The following DLGAP1 variants were observed in gnomAD, a reference collection of about 807,000 sequenced individuals.
DLGAP1 encodes the protein DLG associated protein 1.
In DLGAP1, 11 loss-of-function variants were observed where a neutral mutation model predicts 90.8. The observed-to-expected ratio is 0.12, with a 90% confidence interval of 0.08 to 0.20. The LOEUF (loss-of-function observed/expected upper bound fraction) is 0.20, where lower values mean the gene tolerates loss of function less well. Among genes scored for constraint, DLGAP1 ranks in the 10% least tolerant of loss-of-function variants. The probability of loss-of-function intolerance (pLI) is 1.00; values close to 1 mark genes in which losing one functional copy is unlikely to be tolerated. For synonymous variants in DLGAP1, 558 were observed against 540.7 expected, an observed-to-expected ratio of 1.03 and a Z score of -0.44; for missense variants, 1,050 against 1,333.8, an observed-to-expected ratio of 0.79 and a Z score of 3.31.
chr18:3,872,120 CA>C (rs1006244845), intron 4 of DLGAP1, among the ~76,000 whole-genome samples: 1 of 142,682 alleles, frequency 7.0e-6, no homozygotes, highest in African/African-American at 2.6e-5. Context: ...TAGACTTTAG[CA>C]AATGAAACAA....
At chr18:4,287,284 C>T (rs573938489) in intron 1 of DLGAP1, among the ~76,000 whole-genome samples, 8 of 152,248 alleles carry the variant, frequency 5.3e-5, no homozygotes, top group East Asian at 1.9e-4. Flanking sequence ...GAAATAGGAA[C>T]GCTTTTGTGT....
chr18:3,527,087 C>T (rs1476322394), intron 10 of DLGAP1, among the ~76,000 whole-genome samples: 1 of 152,092 alleles, frequency 6.6e-6, no homozygotes, highest in Non-Finnish European at 1.5e-5. Context: ...ACTCCAGGCA[C>T]CCAAAGAATG....
At chr18:3,796,474 T>G (rs757797583) in intron 5 of DLGAP1, among the ~76,000 whole-genome samples, 1 of 152,212 alleles carries the variant, frequency 6.6e-6, no homozygotes, top group Non-Finnish European at 1.5e-5. Flanking sequence ...AATGATTTCA[T>G]GAGTACTGTA....
chr18:4,377,053 C>T (rs767782322), intron 1 of DLGAP1, among the ~76,000 whole-genome samples: 4 of 152,226 alleles, frequency 2.6e-5, no homozygotes, highest in Non-Finnish European at 4.4e-5. Context: ...ACATATTAAA[C>T]TTTCAAAGGT....
At chr18:4,067,744 C>G (rs2075390382) in intron 2 of DLGAP1, among the ~76,000 whole-genome samples, 1 of 152,040 alleles carries the variant, frequency 6.6e-6, no homozygotes, top group Non-Finnish European at 1.5e-5. Flanking sequence ...TAACTTAACC[C>G]CTTCAAGCAA....
chr18:3,617,827 G>A (rs751250325), intron 7 of DLGAP1, among the ~76,000 whole-genome samples: 9 of 151,348 alleles, frequency 5.9e-5, no homozygotes, highest in Non-Finnish European at 1.2e-4. Flanking sequence ...CTGAGCTCAG[G>A]AGATCGAGAC....
chr18:4,280,647 C>T (rs769370250), intron 1 of DLGAP1: 4 of 152,174 alleles, frequency 2.6e-5, no homozygotes, highest in Admixed American at 2.6e-4. Context: ...ACAATTGCTG[C>T]AATTAGACTT....
chr18:3,893,257 C>T (rs2071523529), intron 3 of DLGAP1, among the ~76,000 whole-genome samples: 1 of 152,054 alleles, frequency 6.6e-6, no homozygotes, highest in South Asian at 2.1e-4. Context: ...AGCAGTATGC[C>T]ATGGTGTATA....
chr18:4,313,546 C>A (rs2080453890), intron 1 of DLGAP1, among the ~76,000 whole-genome samples: 1 of 152,094 alleles, frequency 6.6e-6, no homozygotes, highest in African/African-American at 2.4e-5. Flanking sequence ...TCTGACAGTT[C>A]ATTGAGGGTG....
chr18:4,430,541 T>C (rs2083266880), intron 1 of DLGAP1: 1 of 152,066 alleles, frequency 6.6e-6, no homozygotes, highest in African/African-American at 2.5e-5. Flanking sequence ...TGTGTGTGTG[T>C]CTGTGATTCA....
chr18:4,047,223 T>A (rs2075067608), intron 2 of DLGAP1, among the ~76,000 whole-genome samples: 1 of 152,210 alleles, frequency 6.6e-6, no homozygotes. Flanking sequence ...TCAGGCAATT[T>A]TCAGACAAAT....
rs181023606 is a variant in DLGAP1 at position 4,439,857 on chromosome 18, G to A, written c.-267+15149C>T. 2.3e-3 allele frequency among the ~76,000 whole-genome samples: 348 copies of A among 152,054 alleles called. 2 individuals carry two copies. Among genetic ancestry groups the A allele is most frequent in the Non-Finnish European group, 6.9e-4 (47 of 67,990 alleles). On this transcript the variant is annotated intron_variant, in intron 1 of 12. Coordinates refer to ENST00000315677, the MANE Select transcript of DLGAP1 (RefSeq NM_004746.4). ...AAAATGGCCGGGCGCAGTGGCTCAC[G>A]CCTGTAATCTCAGCACTTTGGGAGA...
chr18:4,056,546 A>C (rs557787596), intron 2 of DLGAP1, among the ~76,000 whole-genome samples: 112 of 152,306 alleles, frequency 7.4e-4, no homozygotes, highest in African/African-American at 2.5e-3. Flanking sequence ...TCTTCCTTGG[A>C]TAGTACAATT....
chr18:4,365,520 T>C (rs1173669227), intron 1 of DLGAP1, among the ~76,000 whole-genome samples: 4 of 152,254 alleles, frequency 2.6e-5, no homozygotes, highest in South Asian at 2.1e-4. Flanking sequence ...CATAAAATCA[T>C]TGAATTACAC....
intron 1 of DLGAP1, among the ~76,000 whole-genome samples, chr18:4,153,861 A>G (rs1178854374): frequency 6.6e-6 from 1 of 152,074 alleles, no homozygotes; most frequent in African/African-American, 2.4e-5. Flanking sequence ...CCCTGATTGG[A>G]CCAGGAGAGG....
chr18:4,175,909 G>A lies in DLGAP1; in HGVS notation c.-266-24622C>T, dbSNP rs143125508. Among the ~76,000 whole-genome samples, 1,200 of 152,238 alleles carry A rather than the reference G, an allele frequency of 7.9e-3. 17 individuals are homozygous for A. Among genetic ancestry groups the A allele is most frequent in the African/African-American group, 0.028 (1,157 of 41,546 alleles). ...TGCTTAGGATTGTCTTGGCTGTATG[G>A]GGTGTTCTTTGATTCCATATGAAAT... is the stretch of plus-strand genomic sequence containing the variant. On this transcript the variant is annotated intron_variant, in intron 1 of 12. Coordinates refer to ENST00000315677, the MANE Select transcript of DLGAP1 (RefSeq NM_004746.4).
intron 4 of DLGAP1, among the ~76,000 whole-genome samples, chr18:3,855,772 C>A (rs1325402276): frequency 1.3e-5 from 2 of 152,084 alleles, no homozygotes; most frequent in Non-Finnish European, 2.9e-5. Context: ...TGCCACCACA[C>A]CAGGCTAATT....
At chr18:4,389,575 T>C (rs2144405809) in intron 1 of DLGAP1, among the ~76,000 whole-genome samples, 1 of 152,332 alleles carries the variant, frequency 6.6e-6, no homozygotes, top group East Asian at 1.9e-4. Flanking sequence ...AAAAACAGAT[T>C]GACTGTAGAA....
At chr18:4,243,709 G>T (rs984146244) in intron 1 of DLGAP1, among the ~76,000 whole-genome samples, 3 of 152,198 alleles carry the variant, frequency 2.0e-5, no homozygotes, top group African/African-American at 7.2e-5. Context: ...TTATCATTTT[G>T]GGATATCTCC....
Sources: gnomAD v4.1 joint callset for allele counts (sites outside exome capture counted in the v4.1 genomes callset) on GRCh38, gnomAD v4.1.1 for gene constraint, MANE v1.5 for transcripts, NCBI Gene and HGNC (gene_info 2026-07-23, HGNC 2026-07-21) for gene names.